Variants in NBPF14 observed in about 807,000 individuals in gnomAD.
The protein encoded by NBPF14 is NBPF family member NBPF14.
Under a neutral mutation model 91.2 loss-of-function variants are expected in NBPF14, and 104 were observed. That is an observed-to-expected ratio of 1.14 (90% confidence interval 0.97 to 1.34). The LOEUF is 1.34. Ranked by LOEUF, NBPF14 falls within the 40% of genes most tolerant of loss-of-function variation. NBPF14 has a pLI of 0.00. For synonymous variants in NBPF14, 294 were observed against 303.8 expected (o/e 0.97, Z 0.34); for missense variants, 908 against 783.0 (o/e 1.16, Z -1.91).
At chr1:148,533,719 T>A (rs1570888764) in intron 70 of NBPF14, 142 bp downstream of exon 70, 1 of 722,228 alleles carries the variant, frequency 1.4e-6, no homozygotes, top group Non-Finnish European at 2.5e-6. Flanking sequence ...AAACATCTAC[T>A]GCAATGAAAA....
intron 69 of NBPF14, among the ~76,000 whole-genome samples, chr1:148,534,442 T>C (rs1265756228): frequency 2.0e-5 from 3 of 151,862 alleles, no homozygotes; most frequent in South Asian, 4.2e-4. Context: ...TCCAATGTCA[T>C]GAGAATAGGA....
intron 70 of NBPF14, among the ~76,000 whole-genome samples, 196 bp from the exon 71 acceptor site, chr1:148,533,444 CAGAGAG>C (rs1207126634): frequency 1.3e-5 from 2 of 149,216 alleles, no homozygotes; most frequent in Non-Finnish European, 1.5e-5. Context: ...AAGAGAAAGA[CAGAGAG>C]AGAGAGACAG....
rs1654708944 is a variant in NBPF14 at position 148,534,679 on chromosome 1, C to T, written c.8614+5G>A. 1.9e-5 allele frequency: 15 copies of T among 799,994 alleles called. No homozygotes were observed. The highest frequency in any genetic ancestry group is 2.7e-5 in the Non-Finnish European group (12 of 445,532). The allele number at this position is 799,994 out of a possible 1,614,324, so 49.6% of individuals were successfully genotyped here. A position where few individuals can be genotyped will look rare whatever the true frequency, so the allele number is the denominator to read the frequency against. On this transcript the variant is annotated splice_donor_5th_base_variant and intron_variant, in intron 69 of 70. Coordinates refer to ENST00000619423, the Ensembl canonical transcript of NBPF14. ...GGCTTATCACCTTCATAGTAAGGTA[C>T]TCACTGTCCACGTCAAGAGCCAAGC...
At chr1:148,578,172 G>C in intron 13 of NBPF14, 138 bp from the exon 14 acceptor site, 1 of 744,822 alleles carries the variant, frequency 1.3e-6, no homozygotes, top group East Asian at 2.5e-5. Flanking sequence ...TATTCCAGTA[G>C]GCCTGAGGTC....
chr1:148,559,686 C>T (rs1397163842), intron 37 of NBPF14, 107 bp downstream of exon 37: 2 of 678,908 alleles, frequency 2.9e-6, no homozygotes, highest in Admixed American at 2.3e-5. Context: ...TAGGTCCTCC[C>T]TGTGGCAATG....
chr1:148,535,146 C>T lies in NBPF14; in HGVS notation c.8442-290G>A, dbSNP rs1187674635. Among the ~76,000 whole-genome samples, 58 of 148,374 alleles carry T rather than the reference C, an allele frequency of 3.9e-4. 1 individual carries two copies. In the South Asian group the frequency reaches 0.012, roughly 29 times the overall value. On this transcript the variant is annotated intron_variant, in intron 68 of 70. Coordinates refer to ENST00000619423, the Ensembl canonical transcript of NBPF14. ...AAAGGACACTCTGAGTTAGTGCCCT[C>T]GGGACACACAGCGAACAGTGATCAT...
intron 12 of NBPF14, among the ~76,000 whole-genome samples, chr1:148,579,914 A>G (rs1301435261): frequency 6.6e-6 from 1 of 152,142 alleles, no homozygotes; most frequent in Non-Finnish European, 1.5e-5. Flanking sequence ...ATCAACAAAA[A>G]AGACATCCAC....
chr1:148,535,121 A>G (rs1654848492), intron 68 of NBPF14, among the ~76,000 whole-genome samples: 2 of 146,960 alleles, frequency 1.4e-5, no homozygotes, highest in Admixed American at 6.8e-5. Context: ...TGAAGGGGTC[A>G]AAGGACACTC....
chr1:148,533,201 T>A (rs139978252), exon 71 of NBPF14: 2 of 685,886 alleles, frequency 2.9e-6, no homozygotes, highest in East Asian at 2.8e-5. Context: ...ATCCAGTGAG[T>A]CCTGTAAGAC....
chr1:148,595,309 A>G lies in NBPF14; in HGVS notation c.175+234T>C, dbSNP rs1397241781. Among the ~76,000 whole-genome samples, 96 of 148,482 alleles carry G rather than the reference A, an allele frequency of 6.5e-4. 5 individuals are homozygous for G. The highest frequency in any genetic ancestry group is 2.2e-3 in the African/African-American group (90 of 40,288). ...CATTCTGTGCCTGCGTTAGAAATCA[A>G]TAACTGTGAGTTTAACTCTAGTTCC... On this transcript the variant is annotated intron_variant, in intron 2 of 70. Transcript: ENST00000619423.
intron 2 of NBPF14, among the ~76,000 whole-genome samples, chr1:148,594,214 A>G (rs1662947353): frequency 4.9e-5 from 7 of 142,806 alleles, no homozygotes; most frequent in African/African-American, 2.7e-5. Flanking sequence ...TCTGAAGCAT[A>G]AAGTGTGAGA....
intron 6 of NBPF14, among the ~76,000 whole-genome samples, chr1:148,590,052 T>C (rs1171385857): frequency 8.6e-6 from 1 of 115,772 alleles, no homozygotes; most frequent in East Asian, 2.2e-4. Context: ...TTTTTTTTTT[T>C]TTTTTTTTTT....
At chr1:148,594,351 A>G (rs1270649527) in intron 2 of NBPF14, among the ~76,000 whole-genome samples, 1 of 139,224 alleles carries the variant, frequency 7.2e-6, no homozygotes, top group African/African-American at 3.0e-5. Context: ...TAATTTAGAA[A>G]CATCAGAATG....
chr1:148,559,396 C>T (rs1295436647), intron 37 of NBPF14, among the ~76,000 whole-genome samples: 1 of 133,966 alleles, frequency 7.5e-6, no homozygotes, highest in Non-Finnish European at 1.5e-5. Context: ...AGAAAAACTG[C>T]ACTATTCACC....
chr1:148,566,225 T>A, exon 29 of NBPF14: 1 of 593,962 alleles, frequency 1.7e-6, no homozygotes, highest in Non-Finnish European at 3.0e-6. Flanking sequence ...AGTCAGGCTG[T>A]TCAAGACAAC....
intron 3 of NBPF14, among the ~76,000 whole-genome samples, chr1:148,593,099 A>G (rs1179019242): frequency 2.0e-5 from 3 of 147,498 alleles, no homozygotes; most frequent in Non-Finnish European, 3.0e-5. Flanking sequence ...GAAAATACAC[A>G]TAGTGCATCT....
chr1:148,559,263 G>T (rs1657148741), intron 37 of NBPF14, among the ~76,000 whole-genome samples, 191 bp from the exon 38 acceptor site: 1 of 110,716 alleles, frequency 9.0e-6, no homozygotes, highest in Non-Finnish European at 1.7e-5. Flanking sequence ...CCCAGAAACT[G>T]TGGGTAAAAT....
chr1:148,587,247 A>T, intron 8 of NBPF14, 54 bp downstream of exon 8: 2 of 1,444,346 alleles, frequency 1.4e-6, no homozygotes, highest in Middle Eastern at 5.0e-4. Context: ...GAGCTGCTGT[A>T]CTTCAGAGAT....
chr1:148,560,523 C>T lies in NBPF14; in HGVS notation c.4556+61G>A, dbSNP rs1477077991. 2.7e-4 allele frequency: 58 copies of T among 216,480 alleles called. No individual in the cohort carries two copies. In the African/African-American group the frequency reaches 4.1e-3, roughly 15 times the overall value. The allele number at this position is 216,480 out of a possible 1,614,324, so 13.4% of individuals were successfully genotyped here. A position where few individuals can be genotyped will look rare whatever the true frequency, so the allele number is the denominator to read the frequency against. On this transcript the variant is annotated intron_variant, in intron 36 of 70. Transcript: ENST00000619423. ...TGTCATCAAACACACTCTGGTTTCC[C>T]TGAATCTGTTGCCTCCAGGTGTTAA... is the stretch of plus-strand genomic sequence containing the variant.
Sources: allele counts gnomAD v4.1 joint callset (sites outside exome capture counted in the v4.1 genomes callset), GRCh38; gene constraint gnomAD v4.1.1; transcripts MANE v1.5; gene names NCBI Gene and HGNC (gene_info 2026-07-23, HGNC 2026-07-21).